CCM2: variants seen among roughly 807,000 people sequenced by gnomAD.
CCM2 encodes the protein cerebral cavernous malformations 2 protein.
CCM2 carries 25 observed loss-of-function variants against 44.9 expected under a neutral mutation model. That is an observed-to-expected ratio of 0.56 (90% CI 0.41 to 0.78). The LOEUF (loss-of-function observed/expected upper bound fraction) is 0.78, where lower values mean the gene tolerates loss of function less well. Ranked by LOEUF, CCM2 falls within the 30% of genes least tolerant of loss-of-function variation. CCM2 has a pLI of 0.00. For missense variants in CCM2, 481 were observed against 580.6 expected (o/e 0.83, Z 1.76); for synonymous variants, 219 against 241.1 (o/e 0.91, Z 0.85).
chr7:45,060,711 T>A (rs1005404542), intron 2 of CCM2, among the ~76,000 whole-genome samples: 5 of 152,264 alleles, frequency 3.3e-5, no homozygotes, highest in Admixed American at 6.5e-5. Context: ...CTTGGCTGTG[T>A]CCAGCCTCTT....
Position 45,000,376 on chromosome 7 carries a change from G to T in CCM2, c.30+13G>T. ...GAAGGGCAAGAAGGTGAGCGTGCGC[G>T]GGGGCGTCCTACTGCTGTGGTCGGC... On this transcript the variant is annotated intron_variant, in intron 1 of 9. Coordinates refer to ENST00000258781, the MANE Select transcript of CCM2 (RefSeq NM_031443.4). 1 of 1,293,624 alleles carries T rather than the reference G, an allele frequency of 7.7e-7. No individual in the cohort carries two copies. 80.1% of individuals were successfully genotyped at this position (1,293,624 alleles called of 1,614,324 possible). A position where few individuals can be genotyped will look rare whatever the true frequency, so the allele number is the denominator to read the frequency against.
chr7:45,021,864 G>A (rs1796495841), intron 1 of CCM2, among the ~76,000 whole-genome samples: 1 of 152,194 alleles, frequency 6.6e-6, no homozygotes, highest in African/African-American at 2.4e-5. Context: ...TTTGCACACT[G>A]TGGGTTATGA....
chr7:45,019,310 A>G (rs1796390374), intron 1 of CCM2, among the ~76,000 whole-genome samples: 1 of 151,898 alleles, frequency 6.6e-6, no homozygotes, highest in South Asian at 2.1e-4. Context: ...CCTGGCCTCA[A>G]GCCATCCTCC....
chr7:45,062,119 A>G (rs1341125048), intron 2 of CCM2, among the ~76,000 whole-genome samples: 1 of 152,210 alleles, frequency 6.6e-6, no homozygotes, highest in Non-Finnish European at 1.5e-5. Context: ...GGATCTGAGA[A>G]CAGTCATTGA....
chr7:45,070,517 G>A, intron 6 of CCM2: 1 of 450,638 alleles, frequency 2.2e-6, no homozygotes, highest in Non-Finnish European at 4.5e-6. Flanking sequence ...GGCCCACACA[G>A]CATTTTCAGG....
intron 1 of CCM2, among the ~76,000 whole-genome samples, chr7:45,023,229 G>A (rs7385926): frequency 0.87 from 131,937 of 152,138 alleles, 57,529 homozygotes; most frequent in African/African-American, 0.96. Flanking sequence ...GCCCGGCCCA[G>A]ACTTCTTTTT....
At chr7:45,007,960 CT>C (rs1583835425) in intron 1 of CCM2, among the ~76,000 whole-genome samples, 1 of 151,678 alleles carries the variant, frequency 6.6e-6, no homozygotes, top group East Asian at 1.9e-4. Flanking sequence ...AATTTGCTTC[CT>C]GTGTGTTGTC....
At chr7:45,043,215 C>T (rs997438593) in intron 2 of CCM2, among the ~76,000 whole-genome samples, 19 of 152,216 alleles carry the variant, frequency 1.2e-4, no homozygotes, top group Admixed American at 3.3e-4. Flanking sequence ...GCAGTCCTCC[C>T]ACCTCAGCCT....
At chr7:45,021,590 TAATA>T (rs959975349) in intron 1 of CCM2, among the ~76,000 whole-genome samples, 4 of 151,024 alleles carry the variant, frequency 2.6e-5, no homozygotes, top group East Asian at 1.9e-4. Flanking sequence ...ATAAAATAAA[TAATA>T]AATAAATAAA....
chr7:45,008,128 C>T (rs1414660746), intron 1 of CCM2, among the ~76,000 whole-genome samples: 1 of 149,510 alleles, frequency 6.7e-6, no homozygotes. Flanking sequence ...CTGCAGGCTC[C>T]GCCTCCTGGG....
At position 45,076,309 on chromosome 7, in the gene CCM2, CG is replaced by C. The variant is rs2128638329; in HGVS notation, c.*253del. On this transcript the variant is annotated 3_prime_UTR_variant, in exon 10 of 10. Coordinates refer to ENST00000258781, the MANE Select transcript of CCM2 (RefSeq NM_031443.4). ...TCAGCCAAGCCCTGCAGTGTGTCCC[CG>C]CTCGGGGAGGGCCCGGCCGAGCGGG... is the stretch of plus-strand genomic sequence containing the variant. The C allele has an allele frequency of 1.5e-6, 1 of 671,834 alleles. No homozygotes were observed. Among genetic ancestry groups the C allele is most frequent in the East Asian group, 2.9e-5 (1 of 34,046 alleles). 41.6% of individuals were successfully genotyped at this position (671,834 alleles called of 1,614,324 possible).
intron 6 of CCM2, chr7:45,071,050 C>G (rs55977759): frequency 0.051 from 7,775 of 152,292 alleles, 228 homozygotes; most frequent in African/African-American, 0.071. Context: ...TGCAGAGAGA[C>G]AGCTGCTGAG....
At chr7:45,054,780 T>G (rs1798180101) in intron 2 of CCM2, among the ~76,000 whole-genome samples, 1 of 152,244 alleles carries the variant, frequency 6.6e-6, no homozygotes, top group South Asian at 2.1e-4. Context: ...CTTGGCTTGC[T>G]GGGACAGTGG....
chr7:45,021,969 GA>G (rs1027808031), intron 1 of CCM2, among the ~76,000 whole-genome samples: 101 of 152,250 alleles, frequency 6.6e-4, no homozygotes, highest in African/African-American at 2.2e-3. Flanking sequence ...AGAACTTAAG[GA>G]AAAATTTTGC....
intron 1 of CCM2, among the ~76,000 whole-genome samples, chr7:45,007,072 G>A (rs528493834): frequency 1.3e-5 from 2 of 152,218 alleles, no homozygotes; most frequent in East Asian, 3.9e-4. Context: ...CTGCCTTAGG[G>A]TCTCTGGGGT....
intron 1 of CCM2, among the ~76,000 whole-genome samples, chr7:45,013,820 CAGTT>C (rs1221449202): frequency 6.6e-6 from 1 of 152,144 alleles, no homozygotes; most frequent in Non-Finnish European, 1.5e-5. Context: ...GGATGTCTCT[CAGTT>C]GGGTCTGTTT....
At chr7:45,048,090 TAGG>T (rs999935764) in intron 2 of CCM2, among the ~76,000 whole-genome samples, 29 of 152,304 alleles carry the variant, frequency 1.9e-4, no homozygotes, top group African/African-American at 7.0e-4. Flanking sequence ...TGATAAGCAA[TAGG>T]AATATAAGCC....
intron 2 of CCM2, among the ~76,000 whole-genome samples, chr7:45,059,339 T>G (rs1371865220): frequency 6.6e-6 from 1 of 151,652 alleles, no homozygotes; most frequent in African/African-American, 2.4e-5. Context: ...TCCCAGCACT[T>G]TGGGAGGCCA....
chr7:45,035,617 C>G (rs117718273), intron 1 of CCM2, among the ~76,000 whole-genome samples: 1,915 of 152,208 alleles, frequency 0.013, 16 homozygotes, highest in Non-Finnish European at 0.021. Context: ...GGGAGCTATT[C>G]CAGGTGAAGA....
Sources: allele counts gnomAD v4.1 joint callset (sites outside exome capture counted in the v4.1 genomes callset), GRCh38; gene constraint gnomAD v4.1.1; transcripts MANE v1.5; gene names NCBI Gene and HGNC (gene_info 2026-07-23, HGNC 2026-07-21).